TENM1: variants seen among roughly 807,000 people sequenced by gnomAD.
TENM1 encodes the protein teneurin transmembrane protein 1, also known as teneurin-1.
Under a neutral mutation model 174.8 loss-of-function variants are expected in TENM1, and 35 were observed. That is an observed-to-expected ratio of 0.20 (90% CI 0.15 to 0.27). The LOEUF (loss-of-function observed/expected upper bound fraction) is 0.27. TENM1 is among the 10% of genes least tolerant of loss of function. The pLI, the probability that TENM1 is intolerant of heterozygous loss-of-function variation, is 1.00. For synonymous variants in TENM1, 781 were observed against 798.7 expected, an observed-to-expected ratio of 0.98 and a Z score of 0.37; for missense variants, 1,633 against 2,130.1, an observed-to-expected ratio of 0.77 and a Z score of 4.59.
At chrX:124,913,398 A>G (rs2057868488) in intron 1 of TENM1, among the ~76,000 whole-genome samples, 1 of 111,613 alleles carries the variant, frequency 9.0e-6, no homozygotes, top group Non-Finnish European at 1.9e-5. Context: ...AGCACCCCCT[A>G]CTAGTTTGAA....
chrX:124,899,973 A>C (rs2057630177), intron 1 of TENM1, among the ~76,000 whole-genome samples: 1 of 112,680 alleles, frequency 8.9e-6, no homozygotes, highest in East Asian at 2.8e-4. Flanking sequence ...CTGTGCAACC[A>C]CATAAGAAAA....
chrX:124,786,140 T>C (rs2055030366), intron 3 of TENM1, among the ~76,000 whole-genome samples: 1 of 111,540 alleles, frequency 9.0e-6, no homozygotes, highest in Admixed American at 9.6e-5. Context: ...TGATATTATC[T>C]TATTTGGAAG....
intron 11 of TENM1, among the ~76,000 whole-genome samples, chrX:124,609,757 G>C (rs2050241453): frequency 9.0e-6 from 1 of 111,542 alleles, no homozygotes; most frequent in Non-Finnish European, 1.9e-5. Flanking sequence ...AATTCAGCTA[G>C]AGTACAGAAA....
the TENM1 span, among the ~76,000 whole-genome samples, chrX:125,199,769 A>T: frequency 8.9e-6 from 1 of 111,882 alleles, no homozygotes; most frequent in African/African-American, 3.2e-5. Flanking sequence ...ACCTGTAAAA[A>T]TATTTACTTT....
At chrX:125,198,268 CT>C in the TENM1 span, among the ~76,000 whole-genome samples, 1 of 111,703 alleles carries the variant, frequency 9.0e-6, no homozygotes, top group African/African-American at 3.2e-5. Context: ...TGTAATAAGA[CT>C]TTTTTTATTT....
At chrX:124,839,973 C>T (rs976811248) in intron 3 of TENM1, among the ~76,000 whole-genome samples, 1 of 111,334 alleles carries the variant, frequency 9.0e-6, no homozygotes, top group African/African-American at 3.3e-5. Context: ...AGAATTCAAC[C>T]TCCGGCAATG....
At chrX:124,404,128 C>T (rs1321368059) in intron 27 of TENM1, among the ~76,000 whole-genome samples, 1 of 111,567 alleles carries the variant, frequency 9.0e-6, no homozygotes, top group East Asian at 2.8e-4. Context: ...TATTCGAGTG[C>T]TATTCCTTTT....
chrX:124,612,020 A>G (rs1459465006), intron 11 of TENM1, among the ~76,000 whole-genome samples: 1 of 112,378 alleles, frequency 8.9e-6, no homozygotes, highest in African/African-American at 3.2e-5. Context: ...CAGAAAACAA[A>G]AATTATTTTA....
At chrX:124,439,726 A>G (rs956746715) in intron 23 of TENM1, among the ~76,000 whole-genome samples, 9 of 111,517 alleles carry the variant, frequency 8.1e-5, no homozygotes, top group Non-Finnish European at 1.5e-4. Context: ...GTAAGCTATC[A>G]GTTCAATTCT....
intron 3 of TENM1, among the ~76,000 whole-genome samples, chrX:124,826,851 C>T (rs1377473645): frequency 2.7e-5 from 3 of 111,493 alleles, no homozygotes; most frequent in African/African-American, 6.5e-5. Context: ...GTTTTATTAA[C>T]AGGACCAATA....
the TENM1 span, among the ~76,000 whole-genome samples, chrX:125,192,212 A>G: frequency 2.3e-4 from 25 of 110,962 alleles, no homozygotes; most frequent in African/African-American, 7.8e-4. Flanking sequence ...AGGCCCTGAG[A>G]AAAAAAAAGA....
At chrX:124,815,893 G>T (rs1169205352) in intron 3 of TENM1, among the ~76,000 whole-genome samples, 1 of 111,440 alleles carries the variant, frequency 9.0e-6, no homozygotes, top group Non-Finnish European at 1.9e-5. Flanking sequence ...GGATTCCTCT[G>T]TATGAAAAAT....
intron 23 of TENM1, among the ~76,000 whole-genome samples, chrX:124,429,607 C>A (rs994674704): frequency 9.0e-6 from 1 of 111,318 alleles, no homozygotes; most frequent in Non-Finnish European, 1.9e-5. Flanking sequence ...AAAGAATGAA[C>A]AAAAGTACAG....
At chrX:124,437,493 TTA>T (rs2060855955) in intron 23 of TENM1, among the ~76,000 whole-genome samples, 1 of 111,148 alleles carries the variant, frequency 9.0e-6, no homozygotes, top group Admixed American at 9.6e-5. Flanking sequence ...AATGCCATGT[TTA>T]TGTCATTATT....
chrX:124,644,275 G>T (rs1490107225), intron 10 of TENM1, among the ~76,000 whole-genome samples: 1 of 104,666 alleles, frequency 9.6e-6, no homozygotes, highest in Non-Finnish European at 1.9e-5. Context: ...AATGGGAGGT[G>T]AAAAGCTAAA....
chrX:124,433,098 C>G (rs1293224906), intron 23 of TENM1, among the ~76,000 whole-genome samples: 1 of 111,862 alleles, frequency 8.9e-6, no homozygotes, highest in Non-Finnish European at 1.9e-5. Flanking sequence ...ACACATCTAG[C>G]CTGGCTGCTC....
chrX:125,145,332 A>G, the TENM1 span, among the ~76,000 whole-genome samples: 1 of 112,144 alleles, frequency 8.9e-6, no homozygotes, highest in Non-Finnish European at 1.9e-5. Context: ...TATGATAATT[A>G]GGACATCACT....
intron 3 of TENM1, among the ~76,000 whole-genome samples, chrX:124,884,012 G>C (rs966741714): frequency 3.6e-5 from 4 of 111,136 alleles, no homozygotes; most frequent in African/African-American, 1.3e-4. Context: ...CTTGGGTAGG[G>C]GTATCAGTGG....
At chrX:124,508,638 G>GA (rs1270648705) in intron 18 of TENM1, among the ~76,000 whole-genome samples, 3 of 112,167 alleles carry the variant, frequency 2.7e-5, no homozygotes, top group African/African-American at 9.7e-5. Flanking sequence ...CCAGGAGTGA[G>GA]ACAGCTATGC....
Sources: gnomAD v4.1 joint callset for allele counts (sites outside exome capture counted in the v4.1 genomes callset) on GRCh38, gnomAD v4.1.1 for gene constraint, MANE v1.5 for transcripts, NCBI Gene and HGNC (gene_info 2026-07-23, HGNC 2026-07-21) for gene names.